PCDHGA3: variants seen among roughly 807,000 people sequenced by gnomAD.
PCDHGA3 encodes the protein protocadherin gamma subfamily A, 3.
A neutral mutation model predicts 58.5 loss-of-function variants in PCDHGA3; 40 were observed. The ratio of observed to expected loss-of-function variants is 0.68; its 90% CI spans 0.53 to 0.89. The LOEUF (loss-of-function observed/expected upper bound fraction) is 0.89, where lower values mean the gene tolerates loss of function less well. Ranked by LOEUF, PCDHGA3 falls within the 40% of genes least tolerant of loss-of-function variation. PCDHGA3 has a pLI of 0.00. For missense variants in PCDHGA3, 1,223 were observed against 1,195.9 expected (o/e 1.02, Z -0.33); for synonymous variants, 530 against 525.7 (o/e 1.01, Z -0.11).
chr5:141,355,903 A>G (rs1174230153), intron 1 of PCDHGA3: 1 of 1,613,604 alleles, frequency 6.2e-7, no homozygotes, highest in African/African-American at 1.3e-5. Flanking sequence ...ACTTGTGGAT[A>G]CCAACGATAA....
intron 1 of PCDHGA3, chr5:141,421,694 C>G (rs2096592726): frequency 6.2e-7 from 1 of 1,613,936 alleles, no homozygotes. Flanking sequence ...TTTGCTCTTC[C>G]TAATGCTAGG....
intron 1 of PCDHGA3, chr5:141,427,973 C>G (rs754410723): frequency 3.1e-6 from 5 of 1,593,936 alleles, no homozygotes; most frequent in Non-Finnish European, 3.4e-6. Flanking sequence ...TGCTGTACCC[C>G]GCGCTGGGGC....
intron 1 of PCDHGA3, chr5:141,492,036 T>A: frequency 1.9e-6 from 1 of 536,866 alleles, no homozygotes; most frequent in Non-Finnish European, 3.2e-6. Flanking sequence ...GAGGAGGCAG[T>A]CACAGATCCA....
rs376937850 is a variant in PCDHGA3 at position 141,491,097 on chromosome 5, C to T, written c.2425-3710C>T. The T allele has an allele frequency of 1.2e-6, 2 of 1,614,170 alleles. No homozygotes were observed. Among genetic ancestry groups the T allele is most frequent in the Non-Finnish European group, 1.7e-6 (2 of 1,180,018 alleles). On this transcript the variant is annotated intron_variant, in intron 1 of 3. Coordinates refer to ENST00000253812, the MANE Select transcript of PCDHGA3 (RefSeq NM_018916.4). The surrounding 1 kb of genome is among the most constrained non-coding windows in gnomAD (Gnocchi z 6.9). ...CACAGTCCACAGCCCCAGGACTGTT[C>T]CTCGTGTCTACACACACTGGTGAGG...
chr5:141,365,759 C>G (rs376978243), intron 1 of PCDHGA3: 16 of 1,613,742 alleles, frequency 9.9e-6, no homozygotes, highest in Non-Finnish European at 1.2e-5. Flanking sequence ...TGTGACAGCC[C>G]ATGACCCCGA....
At position 141,476,387 on chromosome 5, in the gene PCDHGA3, C is replaced by T. The variant is rs147660262; in HGVS notation, c.2425-18420C>T. The T allele has an allele frequency of 6.2e-6, 10 of 1,613,958 alleles. No homozygotes were observed. Among genetic ancestry groups the T allele is most frequent in the Non-Finnish European group, 7.6e-6 (9 of 1,180,032 alleles). ...GACCGGAGAGATGTTTGTGAACGAC[C>T]GTCTGGATCGAGAGGAGCTGTGTGG... On this transcript the variant is annotated intron_variant, in intron 1 of 3. Coordinates refer to ENST00000253812, the MANE Select transcript of PCDHGA3 (RefSeq NM_018916.4). This position sits in a 1 kb window ranked among gnomAD's most constrained non-coding sequence, Gnocchi z 7.6.
At chr5:141,371,577 G>C (rs202142331) in intron 1 of PCDHGA3, 2 of 1,613,866 alleles carry the variant, frequency 1.2e-6, no homozygotes, top group Admixed American at 3.3e-5. Flanking sequence ...CTTTAAAATC[G>C]TTCAAGATAC....
intron 1 of PCDHGA3, chr5:141,423,684 T>G (rs201506477): frequency 6.6e-7 from 1 of 1,524,756 alleles, no homozygotes; most frequent in Non-Finnish European, 8.8e-7. Context: ...CTCTGCCTCC[T>G]AATTGTTGGT....
At chr5:141,419,192 G>C (rs772847766) in intron 1 of PCDHGA3, 2 of 1,613,934 alleles carry the variant, frequency 1.2e-6, no homozygotes, top group Admixed American at 1.7e-5. Context: ...CATTACTGAC[G>C]TCAATGACAA....
At chr5:141,348,169 T>C (rs953518972) in intron 1 of PCDHGA3, among the ~76,000 whole-genome samples, 1 of 152,250 alleles carries the variant, frequency 6.6e-6, no homozygotes, top group South Asian at 2.1e-4. Flanking sequence ...GACCAAAATA[T>C]GTTTTATTAG....
intron 1 of PCDHGA3, chr5:141,385,450 CA>C (rs1781205135): frequency 4.1e-6 from 6 of 1,446,726 alleles, no homozygotes; most frequent in Admixed American, 5.7e-5. Context: ...ATGAGTTTAC[CA>C]GTTTCCTTCA....
chr5:141,352,511 T>C (rs767263704), intron 1 of PCDHGA3: 53 of 1,613,936 alleles, frequency 3.3e-5, no homozygotes, highest in Non-Finnish European at 4.2e-5. Flanking sequence ...CTACAATCTA[T>C]GTATTGCCTC....
At position 141,352,620 on chromosome 5, in the gene PCDHGA3, C is replaced by T. The variant is rs368592075; in HGVS notation, c.2424+6163C>T. 1.8e-5 allele frequency: 29 copies of T among 1,612,472 alleles called. No homozygotes were observed. Among genetic ancestry groups the T allele is most frequent in the Non-Finnish European group, 2.3e-5 (27 of 1,179,182 alleles). On this transcript the variant is annotated intron_variant, in intron 1 of 3. Transcript: ENST00000253812. ...GATGATCCTTCTATGGTTGTATGTGCCAGTAATGAAGATCACAAAATCGCT... is the reference window on the plus strand; with the variant it reads ...GATGATCCTTCTATGGTTGTATGTGTCAGTAATGAAGATCACAAAATCGCT...
chr5:141,345,094 G>A lies in PCDHGA3; in HGVS notation c.1061G>A (p.Ser354Asn). The change falls in exon 1 of 4, where the codon AGC (serine) becomes AAC (asparagine). Residue 354 changes from serine (S) to asparagine (N), a missense_variant. Transcript: ENST00000253812. ...APEITITSLT[S>N]SVPEEGTVGR... The stretch of plus-strand genomic sequence containing the variant: ...GAAATTACAATCACGTCTCTCACAA[G>A]CTCAGTCCCAGAAGAGGGCACCGTT... 1 of 1,613,950 alleles carries A rather than the reference G, an allele frequency of 6.2e-7. No individual in the cohort carries two copies. The highest frequency in any genetic ancestry group is 2.2e-5 in the East Asian group (1 of 44,882).
intron 1 of PCDHGA3, chr5:141,400,775 C>T (rs2094072666): frequency 5.4e-6 from 3 of 559,824 alleles, no homozygotes; most frequent in South Asian, 5.1e-5. Context: ...ACATTTGGTG[C>T]GTTTTTTTGT....
intron 1 of PCDHGA3, chr5:141,371,386 G>GT: frequency 6.2e-7 from 1 of 1,614,006 alleles, no homozygotes; most frequent in Non-Finnish European, 8.5e-7. Context: ...ACTGCATATT[G>GT]TAAAGTACAG....
Position 141,355,592 on chromosome 5 carries a change from C to A in PCDHGA3, c.2424+9135C>A, listed in dbSNP as rs748609994. ...ATAATCGATGTTAATGATAACCCAC[C>A]CAGTTTTGGGACAGAACAGAGGGAA... is the stretch of plus-strand genomic sequence containing the variant. On this transcript the variant is annotated intron_variant, in intron 1 of 3. Coordinates refer to ENST00000253812, the MANE Select transcript of PCDHGA3 (RefSeq NM_018916.4). The A allele has an allele frequency of 2.5e-6, 4 of 1,613,844 alleles. No individual in the cohort carries two copies. The African/African-American group carries it at 5.3e-5, about 22-fold the overall frequency.
chr5:141,453,341 C>T (rs1327119655), intron 1 of PCDHGA3, among the ~76,000 whole-genome samples: 2 of 151,822 alleles, frequency 1.3e-5, no homozygotes, highest in East Asian at 3.9e-4. Context: ...CTATGTTTCC[C>T]CAGGCTGACC....
At chr5:141,492,822 C>T (rs1241767956) in intron 1 of PCDHGA3, among the ~76,000 whole-genome samples, 1 of 152,238 alleles carries the variant, frequency 6.6e-6, no homozygotes, top group Non-Finnish European at 1.5e-5. Context: ...GCACCAGCGG[C>T]CCCTTCCTCC....
Sources: allele counts gnomAD v4.1 joint callset (sites outside exome capture counted in the v4.1 genomes callset), GRCh38; gene constraint gnomAD v4.1.1; non-coding constraint Gnocchi (gnomAD v3.1); transcripts MANE v1.5; gene names NCBI Gene and HGNC (gene_info 2026-07-23, HGNC 2026-07-21).